PARD3: variants seen among roughly 807,000 people sequenced by gnomAD.
The protein encoded by PARD3 is partitioning defective 3 homolog.
PARD3 carries 75 observed loss-of-function variants against 155.4 expected under a neutral mutation model. The ratio of observed to expected loss-of-function variants is 0.48; its 90% CI spans 0.40 to 0.58. The LOEUF (loss-of-function observed/expected upper bound fraction) is 0.58, where lower values mean the gene tolerates loss of function less well. Among genes scored for constraint, PARD3 ranks in the 20% least tolerant of loss-of-function variants. The pLI, the probability that PARD3 is intolerant of heterozygous loss-of-function variation, is 0.00. For missense variants in PARD3, 1,642 were observed against 1,721.7 expected, an observed-to-expected ratio of 0.95 and a Z score of 0.82; for synonymous variants, 576 against 610.5, an observed-to-expected ratio of 0.94 and a Z score of 0.83.
chr10:34,462,261 A>G (rs890227305), intron 4 of PARD3, among the ~76,000 whole-genome samples: 1 of 152,240 alleles, frequency 6.6e-6, no homozygotes, highest in African/African-American at 2.4e-5. Flanking sequence ...GTGATTCTAA[A>G]GAACTATCTC....
chr10:34,735,258 C>T (rs1266773052), intron 1 of PARD3, among the ~76,000 whole-genome samples: 6 of 152,086 alleles, frequency 3.9e-5, no homozygotes, highest in Non-Finnish European at 4.4e-5. Context: ...CTAAGCTACT[C>T]GTAGCTTCCA....
At chr10:34,170,923 G>A (rs765294427) in intron 22 of PARD3, among the ~76,000 whole-genome samples, 4 of 152,134 alleles carry the variant, frequency 2.6e-5, no homozygotes, top group East Asian at 1.9e-4. Flanking sequence ...TGCTAGACGC[G>A]GAATTCAAAT....
chr10:34,555,085 A>T (rs2084881310), intron 2 of PARD3, among the ~76,000 whole-genome samples: 1 of 152,218 alleles, frequency 6.6e-6, no homozygotes, highest in Non-Finnish European at 1.5e-5. Flanking sequence ...GTACAACACC[A>T]AAAGTGAACC....
In PARD3 at chr10:34,182,881, A is replaced by G. The variant is rs561751436; in HGVS notation, c.3420-51298T>C. 2.4e-4 allele frequency among the ~76,000 whole-genome samples: 36 copies of G among 152,276 alleles called. No homozygotes were observed. In the South Asian group the frequency reaches 7.2e-3, roughly 31 times the overall value. On this transcript the variant is annotated intron_variant, in intron 22 of 24. Coordinates refer to ENST00000374788, the MANE Select transcript of PARD3 (RefSeq NM_001184785.2). Reference sequence around the variant, plus strand: ...CTCCTCTGTGCATAGTGTCTTTCTCATCAGAAATTCAAATATATACAGCAA... The same window carrying G: ...CTCCTCTGTGCATAGTGTCTTTCTCGTCAGAAATTCAAATATATACAGCAA...
chr10:34,115,906 G>C (rs1163664724), intron 24 of PARD3, among the ~76,000 whole-genome samples: 1 of 151,974 alleles, frequency 6.6e-6, no homozygotes, highest in Non-Finnish European at 1.5e-5. Flanking sequence ...TAGAGACAAG[G>C]TTTCACCGTG....
chr10:34,153,805 C>G (rs1194658941), intron 22 of PARD3, among the ~76,000 whole-genome samples: 1 of 152,160 alleles, frequency 6.6e-6, no homozygotes, highest in Non-Finnish European at 1.5e-5. Context: ...TTTAGTGTTT[C>G]CCCTTATGGT....
intron 22 of PARD3, among the ~76,000 whole-genome samples, chr10:34,250,737 A>G (rs148561319): frequency 9.2e-4 from 139 of 151,254 alleles, no homozygotes; most frequent in African/African-American, 3.2e-3. Context: ...AGTACACTAC[A>G]TATTTATTAA....
chr10:34,291,963 G>A (rs3891844), intron 20 of PARD3, among the ~76,000 whole-genome samples: 11,280 of 152,234 alleles, frequency 0.074, 573 homozygotes, highest in Non-Finnish European at 0.1. Flanking sequence ...AACTTATCTC[G>A]GAAGGCCAGG....
In PARD3 at chr10:34,317,038, AG is replaced by A. The variant is rs1935093023; in HGVS notation, c.3065+68del. On this transcript the variant is annotated intron_variant, in intron 20 of 24. Coordinates refer to ENST00000374788, the MANE Select transcript of PARD3 (RefSeq NM_001184785.2). Reference sequence around the variant, plus strand: ...GTGTGCACTACCGTGTCCAGTTTTTAGTACTTTTTGCTAAGCTCACACTCCT... The same window carrying A: ...GTGTGCACTACCGTGTCCAGTTTTTATACTTTTTGCTAAGCTCACACTCCT... 4.3e-6 allele frequency: 6 copies of A among 1,410,646 alleles called. No individual in the cohort carries two copies. The African/African-American group carries it at 5.8e-5, about 14-fold the overall frequency. 87.4% of individuals were successfully genotyped at this position (1,410,646 alleles called of 1,614,324 possible).
intron 7 of PARD3, among the ~76,000 whole-genome samples, chr10:34,392,761 A>G (rs1251670342): frequency 1.3e-5 from 2 of 152,296 alleles, no homozygotes; most frequent in East Asian, 1.9e-4. Flanking sequence ...TAGTTACAAC[A>G]AAAGAGGCTT....
At chr10:34,680,926 T>G (rs1265013533) in intron 2 of PARD3, among the ~76,000 whole-genome samples, 1 of 150,828 alleles carries the variant, frequency 6.6e-6, no homozygotes, top group Non-Finnish European at 1.5e-5. Context: ...ATGGCACATG[T>G]ATACATATGT....
intron 2 of PARD3, among the ~76,000 whole-genome samples, chr10:34,655,294 T>C (rs1416571405): frequency 6.6e-6 from 1 of 152,098 alleles, no homozygotes; most frequent in African/African-American, 2.4e-5. Context: ...AAGGCCCCCA[T>C]TTAGCTTTTT....
intron 2 of PARD3, among the ~76,000 whole-genome samples, chr10:34,572,317 G>C (rs953139676): frequency 1.3e-5 from 2 of 151,926 alleles, no homozygotes; most frequent in African/African-American, 4.8e-5. Context: ...GACCAGTATG[G>C]GCAACACAGT....
intron 12 of PARD3, among the ~76,000 whole-genome samples, chr10:34,366,268 C>T (rs1362226168): frequency 6.6e-6 from 1 of 152,212 alleles, no homozygotes; most frequent in Non-Finnish European, 1.5e-5. Context: ...AGATATTCAA[C>T]ACTTTATTGT....
At chr10:34,264,527 C>T (rs1050171476) in intron 22 of PARD3, among the ~76,000 whole-genome samples, 3 of 152,182 alleles carry the variant, frequency 2.0e-5, no homozygotes, top group Non-Finnish European at 4.4e-5. Context: ...CTGCTATCCT[C>T]TTCCTTCATG....
At chr10:34,700,117 A>C (rs935266620) in intron 1 of PARD3, among the ~76,000 whole-genome samples, 3 of 152,220 alleles carry the variant, frequency 2.0e-5, no homozygotes, top group African/African-American at 7.2e-5. Context: ...AACGAGGGGC[A>C]GAGTTCATCC....
intron 20 of PARD3, among the ~76,000 whole-genome samples, chr10:34,316,103 T>C (rs1957987894): frequency 6.6e-6 from 1 of 152,148 alleles, no homozygotes; most frequent in Non-Finnish European, 1.5e-5. Context: ...AAACTGTTGT[T>C]CACATTTTGC....
intron 3 of PARD3, among the ~76,000 whole-genome samples, chr10:34,472,355 T>C (rs1368518803): frequency 6.6e-6 from 1 of 152,212 alleles, no homozygotes; most frequent in Non-Finnish European, 1.5e-5. Flanking sequence ...TAGTCACTCT[T>C]AGAACAAGGT....
intron 5 of PARD3, among the ~76,000 whole-genome samples, chr10:34,435,866 G>C (rs1022031458): frequency 6.6e-6 from 1 of 152,140 alleles, no homozygotes; most frequent in Non-Finnish European, 1.5e-5. Context: ...TGAGAACACA[G>C]CATAAAACTC....
Sources: allele counts gnomAD v4.1 joint callset (sites outside exome capture counted in the v4.1 genomes callset), GRCh38; gene constraint gnomAD v4.1.1; transcripts MANE v1.5; gene names NCBI Gene and HGNC (gene_info 2026-07-23, HGNC 2026-07-21).